Variants in CDK5RAP2 observed in about 807,000 individuals in gnomAD.
CDK5RAP2 encodes CDK5 regulatory subunit associated protein 2, also known as CDK5 regulatory subunit-associated protein 2.
A neutral mutation model predicts 232.9 loss-of-function variants in CDK5RAP2; 147 were observed. The ratio of observed to expected loss-of-function variants is 0.63; its 90% CI spans 0.55 to 0.72. CDK5RAP2 has a LOEUF of 0.72. Ranked by LOEUF, CDK5RAP2 falls within the 30% of genes least tolerant of loss-of-function variation. The pLI is 0.00. For synonymous variants in CDK5RAP2, 833 were observed against 833.7 expected, an observed-to-expected ratio of 1.00 and a Z score of 0.01; for missense variants, 2,195 against 2,231.5, an observed-to-expected ratio of 0.98 and a Z score of 0.33.
chr9:120,448,205 C>T lies in CDK5RAP2; in HGVS notation c.2794-79G>A, dbSNP rs1290623665. The T allele has an allele frequency of 3.3e-6, 4 of 1,223,216 alleles. No homozygotes were observed. In the Admixed American group the frequency reaches 6.8e-5, roughly 21 times the overall value. 75.8% of individuals were successfully genotyped at this position (1,223,216 alleles called of 1,614,324 possible). On this transcript the variant is annotated intron_variant, in intron 21 of 37. Transcript: ENST00000349780. ...TGCACAGTCAACATTCTCATGCCAG[C>T]CTTATAAAACGGAATTCGAACTGGC...
chr9:120,553,663 T>C (rs1338423919), intron 3 of CDK5RAP2, among the ~76,000 whole-genome samples: 1 of 152,240 alleles, frequency 6.6e-6, no homozygotes, highest in Non-Finnish European at 1.5e-5. Context: ...GCTTTGGTGA[T>C]GGTTATAGGG....
intron 32 of CDK5RAP2, among the ~76,000 whole-genome samples, chr9:120,405,075 G>T (rs886517886): frequency 6.6e-6 from 1 of 152,148 alleles, no homozygotes; most frequent in African/African-American, 2.4e-5. Flanking sequence ...ACCACTGGGC[G>T]GTGGGCTGAC....
chr9:120,441,033 A>C (rs1056022298), intron 23 of CDK5RAP2, among the ~76,000 whole-genome samples: 2 of 152,216 alleles, frequency 1.3e-5, no homozygotes, highest in Non-Finnish European at 2.9e-5. Flanking sequence ...AGCAGAAAGA[A>C]TATGAAGTTT....
At position 120,552,416 on chromosome 9, in the gene CDK5RAP2, C is replaced by T. The variant is rs1406096064; in HGVS notation, c.196-1514G>A. ...CACGTATGTTCACTGCAGCACTATT[C>T]ACAATAGCAAAGGCTTGGAACCAAG... is the stretch of plus-strand genomic sequence containing the variant. On this transcript the variant is annotated intron_variant, in intron 3 of 37. Transcript: ENST00000349780. Among the ~76,000 whole-genome samples the T allele has an allele frequency of 3.3e-5, 5 of 152,132 alleles. No homozygotes were observed. In the South Asian group the frequency reaches 1.0e-3, roughly 32 times the overall value.
chr9:120,461,091 G>C (rs191423029), intron 18 of CDK5RAP2, among the ~76,000 whole-genome samples: 1 of 152,202 alleles, frequency 6.6e-6, no homozygotes, highest in Non-Finnish European at 1.5e-5. Flanking sequence ...CAGCAAGAAA[G>C]TAATAAATGA....
At chr9:120,427,922 A>C (rs536028897) in intron 25 of CDK5RAP2, among the ~76,000 whole-genome samples, 72 of 152,288 alleles carry the variant, frequency 4.7e-4, no homozygotes, top group Middle Eastern at 3.4e-3. Context: ...GACCACAGTG[A>C]AATCAAACTA....
intron 6 of CDK5RAP2, among the ~76,000 whole-genome samples, chr9:120,538,537 T>C (rs61639348): frequency 5.3e-5 from 8 of 152,154 alleles, no homozygotes; most frequent in East Asian, 1.9e-4. Flanking sequence ...AGCAGGATGG[T>C]TGGAGGGAAG....
At chr9:120,441,148 T>TAA (rs1003633457) in intron 23 of CDK5RAP2, among the ~76,000 whole-genome samples, 3 of 152,206 alleles carry the variant, frequency 2.0e-5, no homozygotes, top group African/African-American at 7.2e-5. Flanking sequence ...TAGTGCAGCT[T>TAA]CTGTTCTTAA....
intron 11 of CDK5RAP2, among the ~76,000 whole-genome samples, 192 bp from the exon 12 acceptor site, chr9:120,518,837 G>C (rs2040486754): frequency 6.6e-6 from 1 of 152,032 alleles, no homozygotes; most frequent in South Asian, 2.1e-4. Flanking sequence ...CTTATGATGT[G>C]GATGGTTGTA....
chr9:120,580,130 A>C lies in CDK5RAP2; in HGVS notation c.-152T>G. The C allele has an allele frequency of 1.7e-6, 1 of 581,796 alleles. No individual in the cohort carries two copies. Among genetic ancestry groups the C allele is most frequent in the East Asian group, 3.0e-5 (1 of 33,376 alleles). The allele number at this position is 581,796 out of a possible 1,614,324, so 36.0% of individuals were successfully genotyped here. A position where few individuals can be genotyped will look rare whatever the true frequency, so the allele number is the denominator to read the frequency against. On this transcript the variant is annotated 5_prime_UTR_variant, in exon 1 of 38. Transcript: ENST00000349780. ...GGCGCCGCTGGAATTCAAACCACAG[A>C]CGCCGCCATCTTTCCCGGCGCTTCT... is the stretch of plus-strand genomic sequence containing the variant.
At chr9:120,446,893 T>C (rs2036222369) in intron 22 of CDK5RAP2, among the ~76,000 whole-genome samples, 1 of 152,120 alleles carries the variant, frequency 6.6e-6, no homozygotes, top group South Asian at 2.1e-4. Context: ...TCCTCCACAT[T>C]CCCCACACTT....
chr9:120,456,430 T>C (rs1235894022), intron 20 of CDK5RAP2, among the ~76,000 whole-genome samples: 5 of 152,196 alleles, frequency 3.3e-5, no homozygotes, highest in Admixed American at 3.3e-4. Flanking sequence ...GTGTTGTCTT[T>C]CCCACTGAGC....
chr9:120,513,651 C>T (rs972822752), intron 12 of CDK5RAP2, among the ~76,000 whole-genome samples: 1 of 152,252 alleles, frequency 6.6e-6, no homozygotes, highest in Non-Finnish European at 1.5e-5. Context: ...CTGCAAGCCA[C>T]TTCCTTTCTC....
intron 19 of CDK5RAP2, among the ~76,000 whole-genome samples, chr9:120,459,821 C>T (rs1383457374): frequency 6.6e-6 from 1 of 152,154 alleles, no homozygotes; most frequent in African/African-American, 2.4e-5. Context: ...TTTAAGATCT[C>T]CCATTTGTGA....
intron 12 of CDK5RAP2, among the ~76,000 whole-genome samples, chr9:120,497,561 G>T (rs1485647476): frequency 6.7e-6 from 1 of 149,742 alleles, no homozygotes; most frequent in Non-Finnish European, 1.5e-5. Flanking sequence ...GAATAAAATA[G>T]TGACTTTATA....
chr9:120,528,235 C>T (rs1038933145), intron 9 of CDK5RAP2, among the ~76,000 whole-genome samples: 2 of 152,206 alleles, frequency 1.3e-5, no homozygotes, highest in Admixed American at 1.3e-4. Context: ...TGAAACCATA[C>T]CAGGTTATTT....
chr9:120,533,797 TAAAAAAAAAA>T (rs147527299), intron 7 of CDK5RAP2, among the ~76,000 whole-genome samples: 1 of 52,738 alleles, frequency 1.9e-5, no homozygotes, highest in East Asian at 8.2e-4. Flanking sequence ...AGACTCCATC[TAAAAAAAAAA>T]AAAAAAAAAA....
intron 1 of CDK5RAP2, among the ~76,000 whole-genome samples, chr9:120,577,212 A>G (rs1484606925): frequency 6.6e-6 from 1 of 152,090 alleles, no homozygotes; most frequent in African/African-American, 2.4e-5. Flanking sequence ...AAATACAAAA[A>G]TTAGCCAGGC....
chr9:120,518,052 G>A (rs562830424), intron 12 of CDK5RAP2, among the ~76,000 whole-genome samples: 2 of 152,084 alleles, frequency 1.3e-5, no homozygotes, highest in East Asian at 3.9e-4. Flanking sequence ...TATTATGCTG[G>A]CACAAAAAAA....
Sources: allele counts gnomAD v4.1 joint callset (sites outside exome capture counted in the v4.1 genomes callset), GRCh38; gene constraint gnomAD v4.1.1; transcripts MANE v1.5; gene names NCBI Gene and HGNC (gene_info 2026-07-23, HGNC 2026-07-21).